Variants in USP39 observed in about 807,000 individuals in gnomAD.
The protein encoded by USP39 is ubiquitin specific peptidase 39.
Under a neutral mutation model 66.4 loss-of-function variants are expected in USP39, and 38 were observed. That is an observed-to-expected ratio of 0.57 (90% confidence interval 0.44 to 0.75). The LOEUF is 0.75. Among genes scored for constraint, USP39 ranks in the 30% least tolerant of loss-of-function variants. USP39 has a pLI of 0.00. For missense variants in USP39, 608 were observed against 714.4 expected, an observed-to-expected ratio of 0.85 and a Z score of 1.70; for synonymous variants, 303 against 274.6, an observed-to-expected ratio of 1.10 and a Z score of -1.02.
chr2:85,642,396 A>C (rs1292726781), intron 10 of USP39, among the ~76,000 whole-genome samples: 1 of 152,198 alleles, frequency 6.6e-6, no homozygotes, highest in South Asian at 2.1e-4. Context: ...GTGAATTGCC[A>C]GTCACCTGTC....
In USP39 at chr2:85,649,060, C is replaced by A. The variant is rs1333182668; in HGVS notation, c.*252C>A. On this transcript the variant is annotated 3_prime_UTR_variant, in exon 13 of 13. Coordinates refer to ENST00000323701, the MANE Select transcript of USP39 (RefSeq NM_006590.4). ...CATGCATTGAGCTCCCATCTAGCTTCAGCAGGGCAGAACCCTTCTCCAGAT... is the reference window on the plus strand; with the variant it reads ...CATGCATTGAGCTCCCATCTAGCTTAAGCAGGGCAGAACCCTTCTCCAGAT... 2 of 519,394 alleles carry A rather than the reference C, an allele frequency of 3.9e-6. No homozygotes were observed. Among genetic ancestry groups the A allele is most frequent in the Non-Finnish European group, 6.9e-6 (2 of 289,654 alleles). The allele number at this position is 519,394 out of a possible 1,614,324, so 32.2% of individuals were successfully genotyped here.
intron 5 of USP39, among the ~76,000 whole-genome samples, chr2:85,626,009 CTG>C (rs1328075170): frequency 6.8e-6 from 1 of 148,010 alleles, no homozygotes; most frequent in African/African-American, 2.5e-5. Context: ...CAGTGAGACT[CTG>C]TTTCAAGAAA....
upstream of USP39, chr2:85,609,344 G>C (rs1313811525): frequency 7.6e-5 from 115 of 1,519,712 alleles, no homozygotes; most frequent in Non-Finnish European, 9.3e-5. Flanking sequence ...CTTCCCATTG[G>C]GGGTCCTGAG....
At chr2:85,635,446 G>A (rs1346737603) in intron 6 of USP39, among the ~76,000 whole-genome samples, 1 of 152,108 alleles carries the variant, frequency 6.6e-6, no homozygotes, top group Non-Finnish European at 1.5e-5. Context: ...TGTAATCCCA[G>A]CTACTCAGGA....
At chr2:85,624,421 C>T (rs1342412895) in intron 4 of USP39, among the ~76,000 whole-genome samples, 1 of 151,988 alleles carries the variant, frequency 6.6e-6, no homozygotes, top group Non-Finnish European at 1.5e-5. Context: ...TCACAGCTCA[C>T]TGCAGCCTCG....
At chr2:85,642,291 C>T (rs1332366040) in intron 10 of USP39, among the ~76,000 whole-genome samples, 1 of 152,184 alleles carries the variant, frequency 6.6e-6, no homozygotes, top group Non-Finnish European at 1.5e-5. Flanking sequence ...AATGGGGGGA[C>T]ATGGAGGTTT....
intron 1 of USP39, among the ~76,000 whole-genome samples, chr2:85,606,387 G>A (rs1211899767): frequency 6.6e-6 from 1 of 152,220 alleles, no homozygotes; most frequent in African/African-American, 2.4e-5. Context: ...CTGGAGGCAG[G>A]TCTGGTGAAT....
At chr2:85,632,875 A>C (rs1675468406) in intron 6 of USP39, among the ~76,000 whole-genome samples, 1 of 152,046 alleles carries the variant, frequency 6.6e-6, no homozygotes, top group Non-Finnish European at 1.5e-5. Flanking sequence ...GGAGGAAGAG[A>C]CCCTGAGTTT....
chr2:85,616,310 G>A lies in USP39; in HGVS notation c.115G>A (p.Glu39Lys), dbSNP rs746972484. The change falls in exon 1 of 13, where the codon GAG becomes AAG. Residue 39 changes from glutamate to lysine, a missense_variant. Coordinates refer to ENST00000323701, the MANE Select transcript of USP39 (RefSeq NM_006590.4). ...GGAGCGAGATCGGGAGCGGGAGCCT[G>A]AGGCGGCGAGCTCCCGGGGCAGCCC... Reference protein sequence around the residue: ...KRERDREREPEAASSRGSPVR... With the variant: ...KRERDREREPKAASSRGSPVR... The A allele has an allele frequency of 1.9e-6, 3 of 1,582,254 alleles. No individual in the cohort carries two copies. In the Admixed American group the frequency reaches 5.3e-5, roughly 28 times the overall value.
upstream of USP39, among the ~76,000 whole-genome samples, chr2:85,615,357 C>G (rs1419306159): frequency 6.6e-6 from 1 of 152,014 alleles, no homozygotes; most frequent in African/African-American, 2.4e-5. Flanking sequence ...TGTTGTATGT[C>G]AATTATACCT....
At chr2:85,640,805 A>G (rs567395947) in intron 9 of USP39, among the ~76,000 whole-genome samples, 171 bp from the exon 10 acceptor site, 1 of 137,654 alleles carries the variant, frequency 7.3e-6, no homozygotes, top group South Asian at 2.3e-4. Context: ...AATCAGCCTT[A>G]GCCAAACTGC....
intron 3 of USP39, among the ~76,000 whole-genome samples, 192 bp downstream of exon 3, chr2:85,621,771 A>G (rs1237785420): frequency 6.6e-6 from 1 of 152,182 alleles, no homozygotes; most frequent in Non-Finnish European, 1.5e-5. Flanking sequence ...TAAGGGAGAA[A>G]GAGCTAGTCA....
chr2:85,616,037 G>A, upstream of USP39: 2 of 1,277,100 alleles, frequency 1.6e-6, no homozygotes, highest in Non-Finnish European at 2.0e-6. Context: ...AGCCAGTGCA[G>A]GAACAGCACC....
chr2:85,645,220 A>T, intron 11 of USP39, 137 bp downstream of exon 11: 1 of 1,140,744 alleles, frequency 8.8e-7, no homozygotes, highest in Non-Finnish European at 1.2e-6. Context: ...TGCTGTCAGT[A>T]GTTAGTTTAA....
chr2:85,612,216 TG>T, upstream of USP39: 3 of 1,241,906 alleles, frequency 2.4e-6, no homozygotes, highest in South Asian at 2.7e-5. Flanking sequence ...CTTTTGTTTT[TG>T]TTTTTTTTTG....
intron 10 of USP39, among the ~76,000 whole-genome samples, chr2:85,644,480 G>A (rs1558874824): frequency 6.6e-6 from 1 of 152,148 alleles, no homozygotes; most frequent in Non-Finnish European, 1.5e-5. Flanking sequence ...CGCCCAGGCT[G>A]GAGTGCAATA....
In USP39 at chr2:85,648,056, C is replaced by T. The variant is rs199604460; in HGVS notation, c.1650+40C>T. 1.4e-5 allele frequency: 22 copies of T among 1,606,006 alleles called. No individual in the cohort carries two copies. The East Asian group carries it at 1.6e-4, about 11-fold the overall frequency. On this transcript the variant is annotated intron_variant, in intron 12 of 12. Coordinates refer to ENST00000323701, the MANE Select transcript of USP39 (RefSeq NM_006590.4). Reference sequence around the variant, plus strand: ...GGCTTAGTGAGCCACAAATAGGTGGCGTATGGGGCCAGTGAGAGGAGTGGG... The same window carrying T: ...GGCTTAGTGAGCCACAAATAGGTGGTGTATGGGGCCAGTGAGAGGAGTGGG...
intron 12 of USP39, 147 bp from the exon 13 acceptor site, chr2:85,648,614 G>T (rs759098817): frequency 6.8e-6 from 6 of 888,124 alleles, no homozygotes; most frequent in African/African-American, 5.1e-5. Flanking sequence ...AGTGGCTGTA[G>T]CCACTGTAGC....
upstream of USP39, chr2:85,612,465 C>T (rs1054229642): frequency 1.6e-6 from 2 of 1,221,718 alleles, no homozygotes; most frequent in African/African-American, 3.0e-5. Context: ...ACCTAGAGCA[C>T]CTACCTCAAA....
Sources: allele counts gnomAD v4.1 joint callset (sites outside exome capture counted in the v4.1 genomes callset), GRCh38; gene constraint gnomAD v4.1.1; transcripts MANE v1.5; gene names NCBI Gene and HGNC (gene_info 2026-07-23, HGNC 2026-07-21).